COL18A1: variants seen among roughly 807,000 people sequenced by gnomAD.
COL18A1 encodes the protein collagen type XVIII alpha 1 chain.
COL18A1 carries 133 observed loss-of-function variants against 168.0 expected under a neutral mutation model. That is an observed-to-expected ratio of 0.79 (90% CI 0.69 to 0.91). COL18A1 has a LOEUF of 0.91. COL18A1 is among the 40% of genes least tolerant of loss of function. The pLI, the probability that COL18A1 is intolerant of heterozygous loss-of-function variation, is 0.00. For missense variants in COL18A1, 2,126 were observed against 1,925.4 expected (o/e 1.10, Z -1.95); for synonymous variants, 949 against 809.0 (o/e 1.17, Z -2.94).
rs1026939761 is a variant in COL18A1 at position 45,477,464 on chromosome 21, A to G, written c.982A>G (p.Thr328Ala). The change falls in exon 7 of 42, where the codon ACC becomes GCC. Residue 328 changes from threonine (T) to alanine (A), a missense_variant. Coordinates refer to ENST00000651438, the MANE Select transcript of COL18A1 (RefSeq NM_001379500.1). The part of the protein sequence containing the change: ...SVSTWDGSVR[T>A]PGGRVKEGGL... Reference sequence around the variant, plus strand: ...CTCCACGTGGGACGGGAGTGTCCGGACCCCTGGGGGCCGCGTGAAAGAGGT... The same window carrying G: ...CTCCACGTGGGACGGGAGTGTCCGGGCCCCTGGGGGCCGCGTGAAAGAGGT... 4 of 1,612,186 alleles carry G rather than the reference A, an allele frequency of 2.5e-6. No individual in the cohort carries two copies. The highest frequency in any genetic ancestry group is 2.2e-5 in the East Asian group (1 of 44,812).
intron 2 of COL18A1, among the ~76,000 whole-genome samples, chr21:45,437,148 TCA>T (rs1445977169): frequency 4.4e-5 from 3 of 68,624 alleles, no homozygotes; most frequent in Non-Finnish European, 7.9e-5. Context: ...CCACACACAC[TCA>T]CACTCAGACA....
At chr21:45,487,353 T>C (rs1450956732) in intron 16 of COL18A1, 94 bp from the exon 17 acceptor site, 4 of 1,441,558 alleles carry the variant, frequency 2.8e-6, no homozygotes, top group African/African-American at 1.4e-5. Flanking sequence ...CCCCAAAGCA[T>C]GTCCCACCCT....
chr21:45,445,996 A>C (rs954004777), intron 2 of COL18A1, among the ~76,000 whole-genome samples: 1 of 152,178 alleles, frequency 6.6e-6, no homozygotes, highest in Non-Finnish European at 1.5e-5. Flanking sequence ...TTTTGCTGTC[A>C]TATGTAAGAA....
At chr21:45,507,679 G>C in intron 38 of COL18A1, 86 bp downstream of exon 38, 6 of 1,316,978 alleles carry the variant, frequency 4.6e-6, no homozygotes, top group Non-Finnish European at 5.4e-6. Context: ...AACAACACGT[G>C]GTCCTTTGGA....
chr21:45,480,474 T>C lies in COL18A1; in HGVS notation c.1406T>C (p.Ile469Thr), dbSNP rs1338735865. The change falls in exon 12 of 42, where the codon ATT becomes ACT. Residue 469 changes from isoleucine to threonine, a missense_variant. Physicochemically the swap from Ile to Thr is moderately conservative, Grantham distance 89. Transcript: ENST00000651438. ...TCCGGCTCTTTTCCTCAGACCTTCA[T>C]TGACATGGAGGGATCTGGCTTCGGG... ...PSFRHDKLTF[I>T]DMEGSGFGGD... is the part of the protein sequence containing the mutation. The C allele has an allele frequency of 4.3e-6, 7 of 1,614,016 alleles. No individual in the cohort carries two copies. Among genetic ancestry groups the C allele is most frequent in the Non-Finnish European group, 5.9e-6 (7 of 1,180,028 alleles).
chr21:45,500,051 C>T (rs2036687222), intron 32 of COL18A1, among the ~76,000 whole-genome samples: 1 of 151,664 alleles, frequency 6.6e-6, no homozygotes, highest in Admixed American at 6.6e-5. Context: ...GAGGTCGAGG[C>T]ACCCAGAGGC....
chr21:45,497,039 G>T lies in COL18A1; in HGVS notation c.2578-11G>T. 1 of 1,599,632 alleles carries T rather than the reference G, an allele frequency of 6.3e-7. No individual in the cohort carries two copies. ...TCGCCCTCAGCAGCCGCCTCTCCCC[G>T]TTCCTTGCAGGTGTTTGCTGAGTCC... On this transcript the variant is annotated splice_polypyrimidine_tract_variant and intron_variant, in intron 30 of 41. Transcript: ENST00000651438.
chr21:45,495,108 T>C (rs1427260394), intron 28 of COL18A1, 193 bp downstream of exon 28: 1 of 653,138 alleles, frequency 1.5e-6, no homozygotes, highest in Non-Finnish European at 2.7e-6. Flanking sequence ...GAGGGGCCAG[T>C]ACCCAGGAGG....
At chr21:45,410,918 G>A (rs528132326) in intron 2 of COL18A1, among the ~76,000 whole-genome samples, 1 of 152,372 alleles carries the variant, frequency 6.6e-6, no homozygotes, top group South Asian at 2.1e-4. Context: ...CGGCTGCTCT[G>A]GAGGCCTCGT....
At chr21:45,496,984 CT>C in intron 30 of COL18A1, 65 bp from the exon 31 acceptor site, 1 of 1,117,730 alleles carries the variant, frequency 8.9e-7, no homozygotes, top group South Asian at 1.2e-5. Context: ...TTGGGGACCC[CT>C]GAGTGGTGGT....
intron 37 of COL18A1, chr21:45,506,990 C>G (rs1468758003): frequency 3.5e-6 from 1 of 285,770 alleles, no homozygotes; most frequent in African/African-American, 2.2e-5. Flanking sequence ...CCGGATGCAG[C>G]CCCATCCTAA....
intron 33 of COL18A1, 37 bp from the exon 34 acceptor site, chr21:45,504,379 T>A: frequency 6.3e-7 from 1 of 1,588,430 alleles, no homozygotes; most frequent in Non-Finnish European, 8.6e-7. Flanking sequence ...CTTGTAGGGG[T>A]TCAGGGCTCC....
At chr21:45,426,930 G>A (rs970995989) in intron 2 of COL18A1, among the ~76,000 whole-genome samples, 7 of 152,178 alleles carry the variant, frequency 4.6e-5, no homozygotes, top group South Asian at 2.1e-4. Flanking sequence ...GAGGGGATGC[G>A]GGGGTGCCGT....
chr21:45,496,765 G>T (rs2036557897), intron 30 of COL18A1, among the ~76,000 whole-genome samples, 197 bp downstream of exon 30: 1 of 152,252 alleles, frequency 6.6e-6, no homozygotes, highest in Non-Finnish European at 1.5e-5. Flanking sequence ...CTCTCTGGGT[G>T]TGGAGCTGCT....
In COL18A1 at chr21:45,504,564, C is replaced by A. The variant is rs1159868108; in HGVS notation, c.2868+8C>A. 2 of 1,565,546 alleles carry A rather than the reference C, an allele frequency of 1.3e-6. No homozygotes were observed. Among genetic ancestry groups the A allele is most frequent in the Non-Finnish European group, 8.6e-7 (1 of 1,156,642 alleles). On this transcript the variant is annotated splice_region_variant and intron_variant, in intron 34 of 41. Transcript: ENST00000651438. ...GGCTACCCTGGGATTCCAGTAAGTC[C>A]CAGCCTGTGCAGGCAGAGCCCATGT...
chr21:45,495,278 G>A, intron 28 of COL18A1, 80 bp from the exon 29 acceptor site: 1 of 1,244,398 alleles, frequency 8.0e-7, no homozygotes, highest in Non-Finnish European at 1.2e-6. Flanking sequence ...CTGGCGTGGG[G>A]CTAACGGCAG....
chr21:45,432,501 A>G (rs1304494258), intron 2 of COL18A1, among the ~76,000 whole-genome samples: 2 of 152,170 alleles, frequency 1.3e-5, no homozygotes, highest in African/African-American at 4.8e-5. Flanking sequence ...CCCCTGGGCT[A>G]TGCAGGCCCT....
intron 2 of COL18A1, among the ~76,000 whole-genome samples, chr21:45,416,848 G>A (rs1455664908): frequency 6.6e-6 from 1 of 151,952 alleles, no homozygotes; most frequent in Non-Finnish European, 1.5e-5. Context: ...CCCTCGTTCT[G>A]CATATGCTCG....
At chr21:45,439,584 T>A (rs1244105204) in intron 2 of COL18A1, among the ~76,000 whole-genome samples, 1 of 146,998 alleles carries the variant, frequency 6.8e-6, no homozygotes, top group Non-Finnish European at 1.6e-5. Flanking sequence ...GGCCGGTCCC[T>A]GGCTTGACGG....
Sources: allele counts gnomAD v4.1 joint callset (sites outside exome capture counted in the v4.1 genomes callset), GRCh38; gene constraint gnomAD v4.1.1; transcripts MANE v1.5; gene names NCBI Gene and HGNC (gene_info 2026-07-23, HGNC 2026-07-21).